AKAP19: variants seen among roughly 807,000 people sequenced by gnomAD.
The protein encoded by AKAP19 is small A-kinase anchoring protein.
chr2:189,942,937 G>T, the AKAP19 span, among the ~76,000 whole-genome samples: 1 of 152,220 alleles, frequency 6.6e-6, no homozygotes, highest in Non-Finnish European at 1.5e-5. Flanking sequence ...ATGACTGAAA[G>T]TTGGAACTTA....
the AKAP19 span, among the ~76,000 whole-genome samples, chr2:190,157,618 A>T: frequency 6.6e-6 from 1 of 152,122 alleles, no homozygotes; most frequent in African/African-American, 2.4e-5. Context: ...TTTGTTTTTA[A>T]TTACTTAACT....
chr2:190,063,966 T>G, the AKAP19 span, among the ~76,000 whole-genome samples: 5 of 152,236 alleles, frequency 3.3e-5, no homozygotes, highest in African/African-American at 1.2e-4. Flanking sequence ...TCCTACTCCT[T>G]TTTGGGAAGC....
At chr2:190,194,384 T>G in the AKAP19 span, among the ~76,000 whole-genome samples, 7 of 151,854 alleles carry the variant, frequency 4.6e-5, no homozygotes, top group African/African-American at 1.7e-4. Flanking sequence ...ATAGTGGGTG[T>G]ATTTTTTAAA....
the AKAP19 span, among the ~76,000 whole-genome samples, chr2:190,008,292 A>G: frequency 6.6e-6 from 1 of 152,218 alleles, no homozygotes; most frequent in South Asian, 2.1e-4. Context: ...TTCCAATTAT[A>G]ATCAATCCTA....
At chr2:190,152,712 A>G in the AKAP19 span, among the ~76,000 whole-genome samples, 554 of 152,294 alleles carry the variant, frequency 3.6e-3, 2 homozygotes, top group Non-Finnish European at 6.6e-3. Context: ...TAACTTATCA[A>G]TGTAATACAA....
the AKAP19 span, among the ~76,000 whole-genome samples, chr2:190,122,261 T>G: frequency 1.3e-5 from 2 of 152,176 alleles, no homozygotes; most frequent in African/African-American, 4.8e-5. Context: ...CAGGCAGAAG[T>G]CCATTGTGCC....
the AKAP19 span, among the ~76,000 whole-genome samples, chr2:189,956,177 C>CTTTTTCTT: frequency 3.3e-5 from 4 of 122,952 alleles, 1 homozygote; most frequent in Admixed American, 1.9e-4. Flanking sequence ...TCTTTTTTTT[C>CTTTTTCTT]TTTTTTTTTT....
chr2:190,086,129 C>G, the AKAP19 span, among the ~76,000 whole-genome samples: 1 of 152,174 alleles, frequency 6.6e-6, no homozygotes, highest in South Asian at 2.1e-4. Flanking sequence ...AAATCTATCA[C>G]ATAGTATAAG....
the AKAP19 span, among the ~76,000 whole-genome samples, chr2:190,129,716 T>G: frequency 1.3e-5 from 2 of 152,062 alleles, no homozygotes; most frequent in Non-Finnish European, 2.9e-5. Context: ...TAGAGAGATG[T>G]GAGTCTTGTG....
chr2:190,040,258 T>G, the AKAP19 span, among the ~76,000 whole-genome samples: 1 of 152,260 alleles, frequency 6.6e-6, no homozygotes, highest in Non-Finnish European at 1.5e-5. Flanking sequence ...GGTTTGCGTT[T>G]CTCTAATGAT....
At chr2:190,179,975 C>A in the AKAP19 span, among the ~76,000 whole-genome samples, 55 of 152,214 alleles carry the variant, frequency 3.6e-4, no homozygotes, top group Non-Finnish European at 2.8e-4. The surrounding 1 kb of genome is among the most constrained non-coding windows in gnomAD (Gnocchi z 6.0). Context: ...AAGTGTAACT[C>A]AATAATGGCC....
chr2:189,997,102 G>A, the AKAP19 span, among the ~76,000 whole-genome samples: 5 of 152,226 alleles, frequency 3.3e-5, no homozygotes. Context: ...CATATGGAGA[G>A]ACTCAGGACC....
At chr2:189,887,941 G>C in the AKAP19 span, among the ~76,000 whole-genome samples, 1 of 152,086 alleles carries the variant, frequency 6.6e-6, no homozygotes, top group African/African-American at 2.4e-5. Flanking sequence ...CTTTTGCCCT[G>C]CAGAAGCTCT....
chr2:189,955,284 C>A, the AKAP19 span, among the ~76,000 whole-genome samples: 1 of 151,924 alleles, frequency 6.6e-6, no homozygotes, highest in African/African-American at 2.4e-5. Context: ...TTTCTTGTTT[C>A]GTATTTTGTT....
At chr2:190,024,328 G>GTA in the AKAP19 span, among the ~76,000 whole-genome samples, 3,287 of 144,518 alleles carry the variant, frequency 0.023, 94 homozygotes, top group African/African-American at 0.067. Flanking sequence ...GTGTGTGTGT[G>GTA]TATATATATA....
the AKAP19 span, among the ~76,000 whole-genome samples, chr2:190,076,404 T>C: frequency 1.4e-4 from 21 of 152,334 alleles, 2 homozygotes; most frequent in South Asian, 4.3e-3. Flanking sequence ...CTGTTAAAGA[T>C]TGAAGTGTCT....
chr2:189,944,411 G>A, the AKAP19 span, among the ~76,000 whole-genome samples: 5 of 152,134 alleles, frequency 3.3e-5, no homozygotes, highest in Non-Finnish European at 5.9e-5. Context: ...GAAGCTGAAC[G>A]GATGTCAACA....
At chr2:189,984,453 T>G in the AKAP19 span, among the ~76,000 whole-genome samples, 1 of 152,240 alleles carries the variant, frequency 6.6e-6, no homozygotes, top group African/African-American at 2.4e-5. Context: ...GTTATCTCTC[T>G]TATTCCCTGA....
At chr2:190,076,699 GA>G in the AKAP19 span, among the ~76,000 whole-genome samples, 11 of 152,040 alleles carry the variant, frequency 7.2e-5, no homozygotes, top group Non-Finnish European at 1.5e-5. Flanking sequence ...CTACTTTTAA[GA>G]TTTTCTCTTT....
Sources: allele counts gnomAD v4.1 joint callset (sites outside exome capture counted in the v4.1 genomes callset), GRCh38; gene constraint gnomAD v4.1.1; non-coding constraint Gnocchi (gnomAD v3.1); transcripts MANE v1.5; gene names NCBI Gene and HGNC (gene_info 2026-07-23, HGNC 2026-07-21).